AK9: variants seen among roughly 807,000 people sequenced by gnomAD.
The protein encoded by AK9 is adenylate kinase 9.
Under a neutral mutation model 239.6 loss-of-function variants are expected in AK9, and 191 were observed. That is an observed-to-expected ratio of 0.80 (90% CI 0.71 to 0.90). The LOEUF is 0.90. Ranked by LOEUF, AK9 falls within the 40% of genes least tolerant of loss-of-function variation. The pLI, the probability that AK9 is intolerant of heterozygous loss-of-function variation, is 0.00. For missense variants in AK9, 1,995 were observed against 2,214.7 expected, an observed-to-expected ratio of 0.90 and a Z score of 1.99; for synonymous variants, 689 against 721.0, an observed-to-expected ratio of 0.96 and a Z score of 0.71.
intron 12 of AK9, among the ~76,000 whole-genome samples, chr6:109,623,204 G>A (rs992666350): frequency 2.6e-5 from 4 of 151,962 alleles, no homozygotes; most frequent in African/African-American, 7.3e-5. Flanking sequence ...ATATTATGAT[G>A]TGATGGGTTT....
chr6:109,672,249 G>T, intron 3 of AK9, 82 bp from the exon 4 acceptor site: 1 of 1,176,046 alleles, frequency 8.5e-7, no homozygotes, highest in Non-Finnish European at 1.2e-6. Context: ...TCTTGTAACT[G>T]GTAACAAAGA....
chr6:109,498,408 A>G (rs1263555548), intron 36 of AK9, among the ~76,000 whole-genome samples: 1 of 152,204 alleles, frequency 6.6e-6, no homozygotes, highest in African/African-American at 2.4e-5. Context: ...TTCTATGATT[A>G]CCATTTAAGT....
chr6:109,630,713 T>C (rs986065972), intron 12 of AK9, among the ~76,000 whole-genome samples: 3 of 151,890 alleles, frequency 2.0e-5, no homozygotes, highest in Non-Finnish European at 2.9e-5. Flanking sequence ...GGCATGGTGG[T>C]GTGCATCTGT....
At chr6:109,565,960 T>C (rs186132682) in intron 21 of AK9, among the ~76,000 whole-genome samples, 21 of 152,196 alleles carry the variant, frequency 1.4e-4, no homozygotes, top group Admixed American at 3.9e-4. Context: ...GCATGTTTAA[T>C]TGTAGGTTGC....
At chr6:109,576,136 T>A (rs528022906) in intron 20 of AK9, among the ~76,000 whole-genome samples, 36 of 152,108 alleles carry the variant, frequency 2.4e-4, no homozygotes, top group Non-Finnish European at 4.4e-4. Context: ...TTTTGCTTAG[T>A]CTTCCTTGGC....
chr6:109,538,508 TGA>T lies in AK9; in HGVS notation c.3350+3537_3350+3538del, dbSNP rs1782352446. 2.0e-5 allele frequency among the ~76,000 whole-genome samples: 3 copies of T among 152,340 alleles called. No homozygotes were observed. In the South Asian group the frequency reaches 6.2e-4, roughly 32 times the overall value. ...TTGAGCCTATGTGTGTCTCTGCACGTGAGATGGGTCTCCTGAATACAGCACAC... is the reference window on the plus strand; with the variant it reads ...TTGAGCCTATGTGTGTCTCTGCACGTGATGGGTCTCCTGAATACAGCACAC... On this transcript the variant is annotated intron_variant, in intron 27 of 40. Transcript: ENST00000424296.
chr6:109,516,716 G>A (rs1225413291), intron 29 of AK9, 74 bp from the exon 30 acceptor site: 4 of 1,298,482 alleles, frequency 3.1e-6, no homozygotes, highest in Non-Finnish European at 4.3e-6. Flanking sequence ...AAATCATCTG[G>A]AATATTTTGT....
At chr6:109,497,223 C>T (rs1247624706) in intron 38 of AK9, among the ~76,000 whole-genome samples, 1 of 151,860 alleles carries the variant, frequency 6.6e-6, no homozygotes, top group Non-Finnish European at 1.5e-5. Flanking sequence ...CTCAGAAGTC[C>T]AGGCATTTCC....
At chr6:109,500,044 C>CACACACACACACAT (rs957461109) in intron 35 of AK9, among the ~76,000 whole-genome samples, 2 of 145,744 alleles carry the variant, frequency 1.4e-5, no homozygotes, top group African/African-American at 5.6e-5. Flanking sequence ...TACACACACA[C>CACACACACACACAT]ACACACACAC....
chr6:109,644,898 A>T (rs1243631976), intron 8 of AK9, among the ~76,000 whole-genome samples: 3 of 152,228 alleles, frequency 2.0e-5, no homozygotes, highest in Admixed American at 2.0e-4. Context: ...CTGTTTAAAA[A>T]AATCTTTTTT....
chr6:109,524,740 T>C (rs1339274847), intron 29 of AK9, among the ~76,000 whole-genome samples: 1 of 152,210 alleles, frequency 6.6e-6, no homozygotes, highest in Non-Finnish European at 1.5e-5. Flanking sequence ...TAGAACTATT[T>C]CTTTTGAGGG....
At chr6:109,520,700 T>C (rs1042796395) in intron 29 of AK9, among the ~76,000 whole-genome samples, 1 of 152,138 alleles carries the variant, frequency 6.6e-6, no homozygotes, top group Non-Finnish European at 1.5e-5. Flanking sequence ...TTGAATAGTA[T>C]GGCCATTTTA....
At chr6:109,636,881 G>C (rs1383118100) in intron 10 of AK9, among the ~76,000 whole-genome samples, 5 of 151,642 alleles carry the variant, frequency 3.3e-5, no homozygotes, top group Admixed American at 6.6e-5. Context: ...ACAAGTATCT[G>C]TTTGAGTTCC....
At chr6:109,511,580 G>T (rs929410515) in intron 32 of AK9, among the ~76,000 whole-genome samples, 1 of 152,140 alleles carries the variant, frequency 6.6e-6, no homozygotes, top group Non-Finnish European at 1.5e-5. Context: ...GTAAATGTGG[G>T]TGTGCTCTGT....
At chr6:109,610,901 CA>C (rs1042250704) in intron 16 of AK9, among the ~76,000 whole-genome samples, 4 of 152,088 alleles carry the variant, frequency 2.6e-5, no homozygotes, top group African/African-American at 9.7e-5. Flanking sequence ...CATGAGACTA[CA>C]AGGGACAGTG....
At chr6:109,532,324 G>A (rs1424671481) in intron 28 of AK9, among the ~76,000 whole-genome samples, 1 of 152,092 alleles carries the variant, frequency 6.6e-6, no homozygotes, top group Non-Finnish European at 1.5e-5. Flanking sequence ...TTTCCCTTGA[G>A]GCCACGTGGA....
At chr6:109,652,779 C>T (rs1562557724) in intron 8 of AK9, among the ~76,000 whole-genome samples, 1 of 152,188 alleles carries the variant, frequency 6.6e-6, no homozygotes, top group Non-Finnish European at 1.5e-5. Flanking sequence ...CCTGCTCCTC[C>T]ATGCTGCCCG....
chr6:109,675,451 C>G (rs1771572552), intron 2 of AK9, among the ~76,000 whole-genome samples, 178 bp downstream of exon 2: 1 of 151,816 alleles, frequency 6.6e-6, no homozygotes, highest in Non-Finnish European at 1.5e-5. Flanking sequence ...TGCATGTGTG[C>G]AAGAGATAGT....
At chr6:109,660,899 T>C (rs1800331321) in intron 6 of AK9, 2 of 481,340 alleles carry the variant, frequency 4.2e-6, no homozygotes, top group African/African-American at 2.0e-5. Flanking sequence ...TGATAACTAC[T>C]GCTCTAGTAG....
Sources: gnomAD v4.1 joint callset for allele counts (sites outside exome capture counted in the v4.1 genomes callset) on GRCh38, gnomAD v4.1.1 for gene constraint, MANE v1.5 for transcripts, NCBI Gene and HGNC (gene_info 2026-07-23, HGNC 2026-07-21) for gene names.